ATP8A1: variants seen among roughly 807,000 people sequenced by gnomAD.
The protein encoded by ATP8A1 is phospholipid-transporting ATPase IA.
ATP8A1 carries 90 observed loss-of-function variants against 177.7 expected under a neutral mutation model. The ratio of observed to expected loss-of-function variants is 0.51; its 90% CI spans 0.43 to 0.60. The LOEUF (loss-of-function observed/expected upper bound fraction) is 0.60, where lower values mean the gene tolerates loss of function less well. Ranked by LOEUF, ATP8A1 falls within the 20% of genes least tolerant of loss-of-function variation. The probability of loss-of-function intolerance (pLI) is 0.00; values close to 1 mark genes in which losing one functional copy is unlikely to be tolerated. For synonymous variants in ATP8A1, 493 were observed against 485.9 expected, an observed-to-expected ratio of 1.01 and a Z score of -0.19; for missense variants, 1,072 against 1,392.8, an observed-to-expected ratio of 0.77 and a Z score of 3.67.
At chr4:42,468,927 C>T (rs910822294) in intron 25 of ATP8A1, among the ~76,000 whole-genome samples, 1 of 152,136 alleles carries the variant, frequency 6.6e-6, no homozygotes, top group Non-Finnish European at 1.5e-5. Context: ...ATAAAATATA[C>T]ATTCTTAAAA....
chr4:42,574,521 A>C, intron 14 of ATP8A1, 98 bp downstream of exon 14: 2 of 939,090 alleles, frequency 2.1e-6, no homozygotes. Flanking sequence ...AAAACCAAAC[A>C]ACCCCATACC....
Position 42,467,290 on chromosome 4 carries a change from TAG to T in ATP8A1, c.2325-2216_2325-2215del, listed in dbSNP as rs1491304056. Among the ~76,000 whole-genome samples the T allele has an allele frequency of 3.9e-5, 6 of 152,120 alleles. No homozygotes were observed. In the South Asian group the frequency reaches 1.2e-3, roughly 32 times the overall value. On this transcript the variant is annotated intron_variant, in intron 25 of 36. Coordinates refer to ENST00000381668, the MANE Select transcript of ATP8A1 (RefSeq NM_006095.2). ...AGGTGTTAAAGAGTAGGATTGCCCT[TAG>T]CAACAATGCCCATTTAAGAAAAAAG...
At chr4:42,559,716 C>T (rs1730615801) in intron 15 of ATP8A1, among the ~76,000 whole-genome samples, 1 of 152,160 alleles carries the variant, frequency 6.6e-6, no homozygotes, top group Admixed American at 6.5e-5. Context: ...CACTCTGTCA[C>T]CCAGGCTGGA....
At chr4:42,501,299 T>C (rs544225359) in intron 24 of ATP8A1, among the ~76,000 whole-genome samples, 12 of 152,390 alleles carry the variant, frequency 7.9e-5, no homozygotes, top group African/African-American at 2.9e-4. Context: ...TCTCATTTTT[T>C]ACATGTGCCA....
chr4:42,589,066 A>G (rs1459548886), intron 7 of ATP8A1, among the ~76,000 whole-genome samples: 1 of 152,158 alleles, frequency 6.6e-6, no homozygotes, highest in East Asian at 1.9e-4. Context: ...GTGTCTTAGT[A>G]AAATCTGGTG....
At chr4:42,571,465 T>G (rs1211807528) in intron 14 of ATP8A1, among the ~76,000 whole-genome samples, 1 of 145,460 alleles carries the variant, frequency 6.9e-6, no homozygotes, top group Non-Finnish European at 1.5e-5. Context: ...AGGTCTAAAT[T>G]TTTTTTTTTT....
At chr4:42,491,548 A>T (rs75149252) in intron 24 of ATP8A1, among the ~76,000 whole-genome samples, 157 of 152,368 alleles carry the variant, frequency 1.0e-3, no homozygotes, top group African/African-American at 3.6e-3. Context: ...GTCATAAAAA[A>T]GTGAGATGTG....
At chr4:42,603,492 T>C (rs1301018890) in intron 5 of ATP8A1, among the ~76,000 whole-genome samples, 2 of 152,196 alleles carry the variant, frequency 1.3e-5, no homozygotes, top group Non-Finnish European at 2.9e-5. Context: ...TCTGTAGCAA[T>C]GCTTTTGATG....
intron 1 of ATP8A1, among the ~76,000 whole-genome samples, chr4:42,633,483 T>C (rs150683782): frequency 2.4e-3 from 358 of 152,310 alleles, no homozygotes; most frequent in Non-Finnish European, 4.2e-3. Flanking sequence ...ATTTTAAAAA[T>C]GTTATAGAAA....
At chr4:42,630,954 T>C (rs533313715) in intron 1 of ATP8A1, among the ~76,000 whole-genome samples, 4 of 152,374 alleles carry the variant, frequency 2.6e-5, no homozygotes, top group African/African-American at 9.6e-5. Context: ...GTATGCAATG[T>C]ACTTAAAACA....
intron 20 of ATP8A1, among the ~76,000 whole-genome samples, chr4:42,533,065 G>T (rs1447581284): frequency 6.6e-6 from 1 of 152,218 alleles, no homozygotes; most frequent in Non-Finnish European, 1.5e-5. Context: ...CCTGTTTGGT[G>T]AACTCTCTTC....
chr4:42,411,657 T>C lies in ATP8A1; in HGVS notation c.*1259A>G, dbSNP rs1712618287. The C allele has an allele frequency of 2.0e-5, 3 of 152,206 alleles. No individual in the cohort carries two copies. The South Asian group carries it at 6.2e-4, about 31-fold the overall frequency. The allele number at this position is 152,206 out of a possible 1,614,324, so 9.4% of individuals were successfully genotyped here. Reference sequence around the variant, plus strand: ...TGAACTGAAGATACATTTTAAAACATACTAACAAAAGCTACTCATGATGAA... The same window carrying C: ...TGAACTGAAGATACATTTTAAAACACACTAACAAAAGCTACTCATGATGAA... On this transcript the variant is annotated 3_prime_UTR_variant, in exon 37 of 37. Coordinates refer to ENST00000381668, the MANE Select transcript of ATP8A1 (RefSeq NM_006095.2).
chr4:42,569,349 T>C (rs1318604430), intron 14 of ATP8A1, 144 bp from the exon 15 acceptor site: 2 of 494,938 alleles, frequency 4.0e-6, no homozygotes, highest in African/African-American at 2.0e-5. Context: ...TCTGAAAGAA[T>C]GGCAGTTAGT....
intron 24 of ATP8A1, among the ~76,000 whole-genome samples, chr4:42,498,864 G>C (rs745591446): frequency 6.6e-6 from 1 of 152,054 alleles, no homozygotes; most frequent in African/African-American, 2.4e-5. Flanking sequence ...CCACACTCTG[G>C]AATCAAATTC....
chr4:42,509,880 GTTTCT>G (rs1724835022), intron 22 of ATP8A1, among the ~76,000 whole-genome samples: 1 of 143,132 alleles, frequency 7.0e-6, no homozygotes, highest in East Asian at 2.0e-4. Context: ...AAAAGTTATT[GTTTCT>G]TTTAAGCTTT....
intron 22 of ATP8A1, among the ~76,000 whole-genome samples, chr4:42,519,164 A>G (rs1183291985): frequency 6.6e-6 from 1 of 152,138 alleles, no homozygotes; most frequent in African/African-American, 2.4e-5. Flanking sequence ...CACAGCTCAC[A>G]GCAGCCTCAG....
intron 22 of ATP8A1, among the ~76,000 whole-genome samples, chr4:42,509,972 A>G (rs1724846533): frequency 2.0e-5 from 3 of 152,090 alleles, no homozygotes; most frequent in Non-Finnish European, 4.4e-5. Context: ...ACATTAAGAG[A>G]AGTGTAAATG....
chr4:42,654,815 G>T (rs1741461321), intron 1 of ATP8A1, among the ~76,000 whole-genome samples: 2 of 152,216 alleles, frequency 1.3e-5, no homozygotes, highest in Admixed American at 1.3e-4. Flanking sequence ...AGGCCAAAAA[G>T]GCTGCAGTTC....
At chr4:42,521,929 CAAAATTGTG>C (rs1052989521) in intron 22 of ATP8A1, among the ~76,000 whole-genome samples, 1 of 152,070 alleles carries the variant, frequency 6.6e-6, no homozygotes, top group Non-Finnish European at 1.5e-5. Context: ...AACCTTGATC[CAAAATTGTG>C]AAAAGAGTGA....
Sources: allele counts gnomAD v4.1 joint callset (sites outside exome capture counted in the v4.1 genomes callset), GRCh38; gene constraint gnomAD v4.1.1; transcripts MANE v1.5; gene names NCBI Gene and HGNC (gene_info 2026-07-23, HGNC 2026-07-21).